KANK1: variants seen among roughly 807,000 people sequenced by gnomAD.
KANK1 encodes KN motif and ankyrin repeat domain-containing protein 1.
In KANK1, 109 loss-of-function variants were observed where a neutral mutation model predicts 106.2. The observed-to-expected ratio is 1.03, with a 90% CI of 0.88 to 1.20. KANK1 has a LOEUF of 1.20. KANK1 is among the 50% of genes most tolerant of loss of function. The pLI, the probability that KANK1 is intolerant of heterozygous loss-of-function variation, is 0.00. For synonymous variants in KANK1, 873 were observed against 652.2 expected (o/e 1.34, Z -5.16); for missense variants, 2,399 against 1,710.7 (o/e 1.40, Z -7.10).
In KANK1 at chr9:524,982, C is replaced by CTTTTTTTTTTT. The variant is rs35377139; in HGVS notation, c.-84+20240_-84+20250dup. The stretch of plus-strand genomic sequence containing the variant: ...TTAGTCAATCCCAAACTCTTGCTGC[C>CTTTTTTTTTTT]TTTTTTTTTTTTTTTTTTTTTTGAG... On this transcript the variant is annotated intron_variant, in intron 1 of 11. Transcript: ENST00000382297. 2.5e-4 allele frequency among the ~76,000 whole-genome samples: 23 copies of CTTTTTTTTTTT among 91,958 alleles called. 1 individual carries two copies. Among genetic ancestry groups the CTTTTTTTTTTT allele is most frequent in the African/African-American group, 9.4e-4 (20 of 21,334 alleles). 60.3% of individuals were successfully genotyped at this position (91,958 alleles called of 152,430 possible). A position where few individuals can be genotyped will look rare whatever the true frequency, so the allele number is the denominator to read the frequency against.
intron 2 of KANK1, among the ~76,000 whole-genome samples, chr9:703,145 C>T (rs1436229510): frequency 2.0e-5 from 3 of 152,106 alleles, no homozygotes; most frequent in Non-Finnish European, 2.9e-5. Flanking sequence ...GCATGTGCCA[C>T]CACACCCAGC....
chr9:505,874 C>G (rs1476860566), intron 1 of KANK1, among the ~76,000 whole-genome samples: 4 of 152,156 alleles, frequency 2.6e-5, no homozygotes, highest in African/African-American at 7.2e-5. Context: ...AAATGAGGGT[C>G]TGTTTGCTTA....
intron 2 of KANK1, among the ~76,000 whole-genome samples, chr9:699,157 C>T (rs988663627): frequency 2.6e-5 from 4 of 152,194 alleles, no homozygotes; most frequent in Admixed American, 1.3e-4. Context: ...CCTCCCTACC[C>T]GTAGCCTAGG....
upstream of KANK1, among the ~76,000 whole-genome samples, chr9:504,165 G>C (rs926655377): frequency 1.3e-5 from 2 of 152,186 alleles, no homozygotes; most frequent in African/African-American, 4.8e-5. Context: ...GGCCAGCCTC[G>C]TTGCCAGAAC....
At chr9:603,764 T>G (rs1828364163) in intron 1 of KANK1, among the ~76,000 whole-genome samples, 1 of 151,544 alleles carries the variant, frequency 6.6e-6, no homozygotes, top group African/African-American at 2.4e-5. Context: ...GAGACCAGTC[T>G]GGCCAATGTG....
In KANK1 at chr9:744,443, G is replaced by A. The variant is rs202107081; in HGVS notation, c.3898-48G>A. The A allele has an allele frequency of 1.1e-3, 1,811 of 1,582,656 alleles. 4 individuals carry two copies. Among genetic ancestry groups the A allele is most frequent in the Non-Finnish European group, 1.1e-3 (1,286 of 1,159,376 alleles). On this transcript the variant is annotated intron_variant, in intron 10 of 11. Coordinates refer to ENST00000382297, the MANE Select transcript of KANK1 (RefSeq NM_015158.5). ...TGTTCTGTTACCTTTCGGTTGTCTG[G>A]AGGTTTGAGAAACCCAACATGGCTT...
chr9:606,453 G>T (rs1829191531), intron 1 of KANK1, among the ~76,000 whole-genome samples: 1 of 147,586 alleles, frequency 6.8e-6, no homozygotes, highest in South Asian at 2.1e-4. Context: ...CTACTCAGGA[G>T]GTTGAGACAG....
intron 8 of KANK1, among the ~76,000 whole-genome samples, chr9:740,030 G>GATAGAAACATTCTGAACATTTTAACTTC (rs1834981168): frequency 6.6e-6 from 1 of 152,062 alleles, no homozygotes; most frequent in Non-Finnish European, 1.5e-5. Context: ...TTTCCTTTAT[G>GATAGAAACATTCTGAACATTTTAACTTC]ATAGAAACAT....
chr9:533,891 A>G (rs914618686), intron 1 of KANK1, among the ~76,000 whole-genome samples: 1 of 152,234 alleles, frequency 6.6e-6, no homozygotes, highest in African/African-American at 2.4e-5. Flanking sequence ...GTGAAAAGCA[A>G]AACAAAACCA....
At chr9:734,447 C>G (rs979373858) in intron 6 of KANK1, 3 of 262,812 alleles carry the variant, frequency 1.1e-5, no homozygotes, top group African/African-American at 2.2e-5. Flanking sequence ...AGGTGGATCA[C>G]CTGAGGTCAG....
intron 1 of KANK1, among the ~76,000 whole-genome samples, chr9:542,929 A>T (rs926483498): frequency 3.9e-5 from 6 of 152,118 alleles, no homozygotes; most frequent in African/African-American, 1.4e-4. Context: ...TTAAAGGTAA[A>T]AAGTTTCAGT....
chr9:691,513 G>T (rs1369554037), intron 2 of KANK1, among the ~76,000 whole-genome samples: 1 of 149,626 alleles, frequency 6.7e-6, no homozygotes, highest in Non-Finnish European at 1.5e-5. Context: ...CTCCTGCCTT[G>T]GCCTCCCAAA....
chr9:531,289 G>T (rs1398919885), intron 1 of KANK1, among the ~76,000 whole-genome samples: 3 of 152,210 alleles, frequency 2.0e-5, no homozygotes, highest in Admixed American at 6.5e-5. Context: ...AAAATACCCA[G>T]ATGTGGTGGT....
chr9:499,301 C>T (rs1294818188), intron 3 of KANK1, among the ~76,000 whole-genome samples: 1 of 152,090 alleles, frequency 6.6e-6, no homozygotes, highest in Admixed American at 6.5e-5. Flanking sequence ...TTCATAGCAG[C>T]ATTATTAATA....
chr9:537,339 G>C (rs145419667), intron 1 of KANK1, among the ~76,000 whole-genome samples: 150 of 152,250 alleles, frequency 9.9e-4, no homozygotes, highest in African/African-American at 3.5e-3. Flanking sequence ...ACCAGTTCCT[G>C]TCTGACAGCT....
At chr9:677,127 G>A (rs921328614) in intron 2 of KANK1, 118 bp downstream of exon 2, 2 of 895,132 alleles carry the variant, frequency 2.2e-6, no homozygotes, top group East Asian at 2.7e-5. Flanking sequence ...GGATTTCAAA[G>A]CAATTTTCTG....
At position 604,151 on chromosome 9, in the gene KANK1, C is replaced by T. The variant is rs74657453; in HGVS notation, c.-83-72739C>T. Among the ~76,000 whole-genome samples the T allele has an allele frequency of 1.1e-3, 166 of 151,584 alleles. 4 individuals are homozygous for T. In the East Asian group the frequency reaches 0.025, roughly 23 times the overall value. ...CAGCTGATATTCAAAGTACCAAATA[C>T]GTTATTGTTCTGATTATTCTGGTCC... On this transcript the variant is annotated intron_variant, in intron 1 of 11. Coordinates refer to ENST00000382297, the MANE Select transcript of KANK1 (RefSeq NM_015158.5).
At chr9:514,686 A>T (rs898654900) in intron 1 of KANK1, among the ~76,000 whole-genome samples, 1 of 151,668 alleles carries the variant, frequency 6.6e-6, no homozygotes, top group Non-Finnish European at 1.5e-5. Flanking sequence ...ACTGCTGTTC[A>T]TCCTGTTGTC....
intron 1 of KANK1, among the ~76,000 whole-genome samples, chr9:569,708 C>G (rs906881563): frequency 6.6e-6 from 1 of 152,126 alleles, no homozygotes; most frequent in Non-Finnish European, 1.5e-5. Flanking sequence ...CTAGACTTAC[C>G]AGAAGTTTAC....
Sources: allele counts gnomAD v4.1 joint callset (sites outside exome capture counted in the v4.1 genomes callset), GRCh38; gene constraint gnomAD v4.1.1; transcripts MANE v1.5; gene names NCBI Gene and HGNC (gene_info 2026-07-23, HGNC 2026-07-21).